Variants in TMTC1 observed in about 807,000 individuals in gnomAD.
TMTC1 encodes transmembrane O-mannosyltransferase targeting cadherins 1, also known as protein O-mannosyl-transferase TMTC1.
In TMTC1, 73 loss-of-function variants were observed where a neutral mutation model predicts 104.8. The ratio of observed to expected loss-of-function variants is 0.70; its 90% CI spans 0.58 to 0.85. The LOEUF (loss-of-function observed/expected upper bound fraction) is 0.85. Ranked by LOEUF, TMTC1 falls within the 40% of genes least tolerant of loss-of-function variation. The pLI is 0.00. For synonymous variants in TMTC1, 434 were observed against 428.7 expected (o/e 1.01, Z -0.15); for missense variants, 1,035 against 1,096.1 (o/e 0.94, Z 0.79).
intron 10 of TMTC1, among the ~76,000 whole-genome samples, chr12:29,539,454 T>A (rs1334702860): frequency 1.3e-5 from 2 of 152,174 alleles, no homozygotes; most frequent in African/African-American, 4.8e-5. Context: ...GGGAAGAACT[T>A]TTTCTAGACC....
chr12:29,663,889 C>T (rs796216985), intron 5 of TMTC1, among the ~76,000 whole-genome samples: 4 of 152,130 alleles, frequency 2.6e-5, no homozygotes, highest in African/African-American at 7.2e-5. Context: ...GTAAAGTGTC[C>T]CCTGGTTTCC....
intron 10 of TMTC1, among the ~76,000 whole-genome samples, chr12:29,544,808 T>C (rs1296172418): frequency 1.3e-5 from 2 of 152,190 alleles, no homozygotes; most frequent in African/African-American, 2.4e-5. Context: ...ATTTGCCCCA[T>C]AGCTAAAAGG....
chr12:29,564,824 G>C (rs1379553869), intron 9 of TMTC1, among the ~76,000 whole-genome samples: 4 of 152,084 alleles, frequency 2.6e-5, no homozygotes, highest in East Asian at 1.9e-4. Context: ...GGAGCAACTA[G>C]AGAATATTTA....
intron 6 of TMTC1, among the ~76,000 whole-genome samples, chr12:29,623,223 T>C (rs1205838991): frequency 6.6e-6 from 1 of 152,262 alleles, no homozygotes; most frequent in Admixed American, 6.5e-5. Context: ...CAGAGGCCTA[T>C]GAAGAGCAGG....
At chr12:29,532,022 CT>C (rs1238699281) in intron 11 of TMTC1, among the ~76,000 whole-genome samples, 1 of 152,094 alleles carries the variant, frequency 6.6e-6, no homozygotes, top group Non-Finnish European at 1.5e-5. Flanking sequence ...CCACTTAATT[CT>C]GTGTACCATA....
chr12:29,670,983 T>C (rs995286443), intron 5 of TMTC1, among the ~76,000 whole-genome samples: 1 of 48,348 alleles, frequency 2.1e-5, no homozygotes, highest in African/African-American at 1.0e-4. Flanking sequence ...AAGATATACC[T>C]GATCCATTTA....
At chr12:29,643,795 A>ATATT (rs1939076037) in intron 5 of TMTC1, among the ~76,000 whole-genome samples, 2 of 79,694 alleles carry the variant, frequency 2.5e-5, no homozygotes, top group African/African-American at 5.3e-5. Flanking sequence ...ATATATTTAT[A>ATATT]TACATATTTA....
chr12:29,508,164 G>A lies in TMTC1; in HGVS notation c.2509-1178C>T, dbSNP rs80022094. On this transcript the variant is annotated intron_variant, in intron 17 of 17. Transcript: ENST00000539277. ...TGGTCATATTGGTGAAAAGGAAAGT[G>A]GAAATGACAGCACAAGAAATTGTAC... is the stretch of plus-strand genomic sequence containing the variant. 1.7e-4 allele frequency among the ~76,000 whole-genome samples: 26 copies of A among 152,282 alleles called. No individual in the cohort carries two copies. The East Asian group carries it at 5.0e-3, about 29-fold the overall frequency.
intron 4 of TMTC1, among the ~76,000 whole-genome samples, chr12:29,753,279 G>A (rs1308984748): frequency 6.6e-6 from 1 of 152,150 alleles, no homozygotes; most frequent in Non-Finnish European, 1.5e-5. Context: ...ACATAACTTT[G>A]TGAAATTCTC....
At chr12:29,545,039 A>ATAT (rs1488193283) in intron 10 of TMTC1, among the ~76,000 whole-genome samples, 1 of 152,184 alleles carries the variant, frequency 6.6e-6, no homozygotes, top group Non-Finnish European at 1.5e-5. Flanking sequence ...TGCTTAGCCG[A>ATAT]GTGTCTGGCA....
At chr12:29,670,069 C>A (rs1258623855) in intron 5 of TMTC1, among the ~76,000 whole-genome samples, 1 of 152,198 alleles carries the variant, frequency 6.6e-6, no homozygotes, top group African/African-American at 2.4e-5. Flanking sequence ...ACTAAATAAT[C>A]CATGCAATAA....
intron 5 of TMTC1, among the ~76,000 whole-genome samples, chr12:29,689,732 T>C (rs1941207531): frequency 6.6e-6 from 1 of 152,236 alleles, no homozygotes; most frequent in Admixed American, 6.5e-5. Flanking sequence ...TGTGGGGTTG[T>C]CATAATAAAT....
chr12:29,509,415 G>A (rs1255915934), intron 17 of TMTC1, among the ~76,000 whole-genome samples: 1 of 152,206 alleles, frequency 6.6e-6, no homozygotes, highest in East Asian at 1.9e-4. Context: ...TCCTTGCAAA[G>A]TACTATTCTA....
intron 13 of TMTC1, 43 bp downstream of exon 13, chr12:29,518,429 G>A (rs1000374436): frequency 1.2e-5 from 19 of 1,595,440 alleles, no homozygotes; most frequent in Non-Finnish European, 1.4e-5. Context: ...AGTGATTGCT[G>A]AGGTTCCTGG....
At chr12:29,743,916 A>G (rs1006455366) in intron 5 of TMTC1, among the ~76,000 whole-genome samples, 7 of 152,186 alleles carry the variant, frequency 4.6e-5, no homozygotes, top group Non-Finnish European at 8.8e-5. Flanking sequence ...GCAAAAGAAG[A>G]GAGCTGTTTT....
At chr12:29,589,798 T>A (rs1227243954) in intron 7 of TMTC1, among the ~76,000 whole-genome samples, 4 of 152,266 alleles carry the variant, frequency 2.6e-5, no homozygotes, top group Admixed American at 6.5e-5. Context: ...TTGATGGGCC[T>A]GTCCACAATA....
chr12:29,516,468 T>C lies in TMTC1; in HGVS notation c.2188A>G (p.Met730Val). ...RLALAQVLAVMGQTKEAEKMT... is the reference protein window; with the variant it reads ...RLALAQVLAVVGQTKEAEKMT... ...TTTTCAGCTTCTTTTGTCTGACCCA[T>C]CACGGCCAAAACCTGAGCCTACAAA... The change falls in exon 15 of 18, where the codon ATG becomes GTG. Residue 730 changes from methionine (M) to valine (V), a missense_variant. Transcript: ENST00000539277. The C allele has an allele frequency of 6.2e-7, 1 of 1,613,800 alleles. No homozygotes were observed. Among genetic ancestry groups the C allele is most frequent in the Non-Finnish European group, 8.5e-7 (1 of 1,179,836 alleles).
intron 8 of TMTC1, among the ~76,000 whole-genome samples, chr12:29,577,192 G>C (rs1450311169): frequency 2.6e-5 from 4 of 152,110 alleles, no homozygotes; most frequent in East Asian, 1.9e-4. Flanking sequence ...GTATTAACCT[G>C]TTAGGGGAGC....
intron 9 of TMTC1, among the ~76,000 whole-genome samples, chr12:29,563,870 C>T (rs899461217): frequency 1.3e-5 from 2 of 152,156 alleles, no homozygotes; most frequent in African/African-American, 4.8e-5. Flanking sequence ...GACTCTAATG[C>T]ACTGTGAGGA....
Sources: allele counts gnomAD v4.1 joint callset (sites outside exome capture counted in the v4.1 genomes callset), GRCh38; gene constraint gnomAD v4.1.1; transcripts MANE v1.5; gene names NCBI Gene and HGNC (gene_info 2026-07-23, HGNC 2026-07-21).